The following CNKSR2 variants were observed in gnomAD, a reference collection of about 807,000 sequenced individuals.
The protein encoded by CNKSR2 is CNK homolog protein 2.
A neutral mutation model predicts 84.4 loss-of-function variants in CNKSR2; 14 were observed. That is an observed-to-expected ratio of 0.17 (90% CI 0.11 to 0.26). The LOEUF (loss-of-function observed/expected upper bound fraction) is 0.26, where lower values mean the gene tolerates loss of function less well. CNKSR2 is among the 10% of genes least tolerant of loss of function. CNKSR2 has a pLI of 1.00. For synonymous variants in CNKSR2, 275 were observed against 277.9 expected (o/e 0.99, Z 0.10); for missense variants, 485 against 771.2 (o/e 0.63, Z 4.40).
chrX:21,450,534 G>A (rs995105011), intron 4 of CNKSR2, among the ~76,000 whole-genome samples: 1 of 111,894 alleles, frequency 8.9e-6, no homozygotes, highest in African/African-American at 3.2e-5. Context: ...TAAACTGACA[G>A]TAGAAATTAT....
At chrX:21,544,334 T>G (rs2092002499) in intron 11 of CNKSR2, among the ~76,000 whole-genome samples, 1 of 111,694 alleles carries the variant, frequency 9.0e-6, no homozygotes, top group African/African-American at 3.3e-5. Flanking sequence ...ATAAAAATCA[T>G]CAGCTCACAT....
chrX:21,464,646 T>C (rs2091103829), intron 4 of CNKSR2, among the ~76,000 whole-genome samples: 1 of 111,347 alleles, frequency 9.0e-6, no homozygotes, highest in Admixed American at 9.5e-5. Flanking sequence ...GAGATGACTA[T>C]GGGAGTTGTT....
chrX:21,625,077 A>G (rs761727917), intron 20 of CNKSR2, among the ~76,000 whole-genome samples: 2 of 112,405 alleles, frequency 1.8e-5, no homozygotes, highest in East Asian at 5.5e-4. Flanking sequence ...ATATTTTTAG[A>G]GAATGCTTTT....
At chrX:21,378,394 G>A (rs2089850503) in intron 1 of CNKSR2, among the ~76,000 whole-genome samples, 1 of 111,384 alleles carries the variant, frequency 9.0e-6, no homozygotes, top group Non-Finnish European at 1.9e-5. Context: ...ATTGGAAAAA[G>A]CCATAGGCAG....
At chrX:21,639,328 C>G (rs1285774908) in intron 20 of CNKSR2, among the ~76,000 whole-genome samples, 2 of 111,539 alleles carry the variant, frequency 1.8e-5, no homozygotes, top group Non-Finnish European at 3.8e-5. Context: ...ATTATACGGG[C>G]AGCCCTTTGT....
At chrX:21,457,237 G>T (rs1346836383) in intron 4 of CNKSR2, among the ~76,000 whole-genome samples, 1 of 111,417 alleles carries the variant, frequency 9.0e-6, no homozygotes, top group Admixed American at 9.6e-5. Context: ...AGTCCTGCTT[G>T]TTTATTTTTG....
intron 11 of CNKSR2, among the ~76,000 whole-genome samples, chrX:21,545,222 G>A (rs910112899): frequency 1.8e-5 from 2 of 111,968 alleles, no homozygotes; most frequent in Non-Finnish European, 3.8e-5. Flanking sequence ...CACCATTACT[G>A]AGGCTTTAGT....
At chrX:21,586,437 A>G (rs186624400) in intron 13 of CNKSR2, among the ~76,000 whole-genome samples, 186 of 111,756 alleles carry the variant, frequency 1.7e-3, no homozygotes, top group African/African-American at 6.0e-3. Context: ...TGCCACCACT[A>G]AAACGCCTGG....
At chrX:21,452,830 A>C (rs1006126565) in intron 4 of CNKSR2, among the ~76,000 whole-genome samples, 5 of 96,685 alleles carry the variant, frequency 5.2e-5, no homozygotes, top group East Asian at 2.9e-4. Context: ...TGCAGACCCC[A>C]TGTGTTAAAA....
At chrX:21,508,395 G>A (rs895484737) in intron 8 of CNKSR2, among the ~76,000 whole-genome samples, 2 of 111,792 alleles carry the variant, frequency 1.8e-5, no homozygotes, top group Admixed American at 1.9e-4. Context: ...TGGGGACTGA[G>A]GTTCTACAGT....
chrX:21,420,362 G>T (rs1394522832), intron 1 of CNKSR2, among the ~76,000 whole-genome samples: 1 of 112,586 alleles, frequency 8.9e-6, no homozygotes, highest in Non-Finnish European at 1.9e-5. Flanking sequence ...TCCTAGAATT[G>T]TGGACCCCAA....
At chrX:21,520,697 T>G (rs1569219227) in intron 9 of CNKSR2, among the ~76,000 whole-genome samples, 2 of 109,052 alleles carry the variant, frequency 1.8e-5, no homozygotes, top group East Asian at 5.7e-4. Flanking sequence ...AGCTTTTTTT[T>G]TTTTTGGTGA....
chrX:21,565,445 A>G (rs993775543), intron 13 of CNKSR2, among the ~76,000 whole-genome samples: 2 of 111,842 alleles, frequency 1.8e-5, no homozygotes, highest in African/African-American at 6.5e-5. Flanking sequence ...CAAGAATCTG[A>G]TCTACTAACT....
chrX:21,590,300 G>A (rs1449653418), intron 13 of CNKSR2, among the ~76,000 whole-genome samples: 1 of 112,050 alleles, frequency 8.9e-6, no homozygotes, highest in Non-Finnish European at 1.9e-5. Flanking sequence ...GTGTGTATGT[G>A]TAAAAGCCTT....
chrX:21,573,190 G>A (rs928370148), intron 13 of CNKSR2, among the ~76,000 whole-genome samples: 1 of 112,266 alleles, frequency 8.9e-6, no homozygotes, highest in African/African-American at 3.2e-5. Context: ...TGTTGCAAGC[G>A]GTGGGGTCCC....
At chrX:21,552,689 A>G (rs924313235) in intron 11 of CNKSR2, among the ~76,000 whole-genome samples, 3 of 112,107 alleles carry the variant, frequency 2.7e-5, no homozygotes, top group Non-Finnish European at 3.8e-5. Flanking sequence ...ACTACTTTCT[A>G]GAGTAAATCT....
intron 9 of CNKSR2, among the ~76,000 whole-genome samples, chrX:21,525,466 A>G (rs777904067): frequency 2.7e-5 from 3 of 111,179 alleles, no homozygotes; most frequent in Non-Finnish European, 3.8e-5. Flanking sequence ...TTACATTATC[A>G]TTCCTTTTCC....
chrX:21,396,935 T>G (rs1354146655), intron 1 of CNKSR2, among the ~76,000 whole-genome samples: 1 of 111,970 alleles, frequency 8.9e-6, no homozygotes, highest in African/African-American at 3.2e-5. Context: ...GGTGTCAAAG[T>G]TAGAACACGT....
At chrX:21,573,485 C>T (rs2147213364) in intron 13 of CNKSR2, among the ~76,000 whole-genome samples, 1 of 112,537 alleles carries the variant, frequency 8.9e-6, no homozygotes, top group Non-Finnish European at 1.9e-5. Flanking sequence ...CAAACTTCTG[C>T]CTAGACACCC....
Sources: gnomAD v4.1 joint callset for allele counts (sites outside exome capture counted in the v4.1 genomes callset) on GRCh38, gnomAD v4.1.1 for gene constraint, MANE v1.5 for transcripts, NCBI Gene and HGNC (gene_info 2026-07-23, HGNC 2026-07-21) for gene names.